The following SORCS3 variants were observed in gnomAD, a reference collection of about 807,000 sequenced individuals.
SORCS3 encodes the protein VPS10 domain-containing receptor SorCS3.
A neutral mutation model predicts 146.3 loss-of-function variants in SORCS3; 57 were observed. The observed-to-expected ratio is 0.39, with a 90% CI of 0.31 to 0.49. The LOEUF is 0.49. Among genes scored for constraint, SORCS3 ranks in the 20% least tolerant of loss-of-function variants. The pLI, the probability that SORCS3 is intolerant of heterozygous loss-of-function variation, is 0.92. For missense variants in SORCS3, 1,341 were observed against 1,575.5 expected, an observed-to-expected ratio of 0.85 and a Z score of 2.52; for synonymous variants, 653 against 618.5, an observed-to-expected ratio of 1.06 and a Z score of -0.83.
intron 4 of SORCS3, among the ~76,000 whole-genome samples, chr10:104,983,948 A>G (rs1017236930): frequency 1.3e-5 from 2 of 152,108 alleles, no homozygotes; most frequent in African/African-American, 4.8e-5. Flanking sequence ...CATACATCTC[A>G]TGAGTCTGAT....
At chr10:105,211,003 T>G (rs2056629765) in intron 16 of SORCS3, 134 bp from the exon 17 acceptor site, 1 of 593,996 alleles carries the variant, frequency 1.7e-6, no homozygotes. Context: ...ATATTTACCC[T>G]CACTGGGGAT....
intron 3 of SORCS3, among the ~76,000 whole-genome samples, chr10:104,930,586 G>T (rs548196806): frequency 3.3e-5 from 5 of 152,320 alleles, no homozygotes; most frequent in East Asian, 3.9e-4. Context: ...ATACACCGGG[G>T]TTGATGGGGG....
chr10:104,842,691 T>A, intron 1 of SORCS3, 101 bp from the exon 2 acceptor site: 2 of 858,964 alleles, frequency 2.3e-6, no homozygotes. Context: ...CTCCTCTGGG[T>A]GATAGGAGAT....
At chr10:104,799,095 G>T (rs2017593204) in intron 1 of SORCS3, among the ~76,000 whole-genome samples, 1 of 152,182 alleles carries the variant, frequency 6.6e-6, no homozygotes, top group Admixed American at 6.5e-5. Flanking sequence ...TTACACTGTT[G>T]GGAGTGTAAA....
rs140530489 is a variant in SORCS3, at chr10:104,808,949, C to G, written c.628-33843C>G. Among the ~76,000 whole-genome samples the G allele has an allele frequency of 2.5e-3, 382 of 152,186 alleles. 2 individuals are homozygous for G. The highest frequency in any genetic ancestry group is 2.7e-3 in the Non-Finnish European group (182 of 68,012). The stretch of plus-strand genomic sequence containing the variant: ...TAAATGGATTTGAGAAATATTTCGA[C>G]GGCAAAATCAACCCATTGATTGCGT... On this transcript the variant is annotated intron_variant, in intron 1 of 26. Coordinates refer to ENST00000369701, the MANE Select transcript of SORCS3 (RefSeq NM_014978.3).
chr10:104,694,830 G>A (rs2016154953), intron 1 of SORCS3, among the ~76,000 whole-genome samples: 1 of 152,168 alleles, frequency 6.6e-6, no homozygotes, highest in South Asian at 2.1e-4. Flanking sequence ...CTCACTTACA[G>A]GGTTTTGTGA....
chr10:104,818,194 G>A (rs2017826711), intron 1 of SORCS3, among the ~76,000 whole-genome samples: 1 of 152,064 alleles, frequency 6.6e-6, no homozygotes, highest in Non-Finnish European at 1.5e-5. Context: ...TTCATGTGCT[G>A]AGCTGGTGGC....
Position 104,763,013 on chromosome 10 carries a change from A to G in SORCS3, c.628-79779A>G, listed in dbSNP as rs2017139957. On this transcript the variant is annotated intron_variant, in intron 1 of 26. Coordinates refer to ENST00000369701, the MANE Select transcript of SORCS3 (RefSeq NM_014978.3). ...CGTAAGTATTTTTAAGCAGCTTTCCAGTTGAGTGTGATGTACAGCCAGAAG... is the reference window on the plus strand; with the variant it reads ...CGTAAGTATTTTTAAGCAGCTTTCCGGTTGAGTGTGATGTACAGCCAGAAG... Among the ~76,000 whole-genome samples, 3 of 152,132 alleles carry G rather than the reference A, an allele frequency of 2.0e-5. No individual in the cohort carries two copies. The South Asian group carries it at 6.2e-4, about 31-fold the overall frequency.
intron 1 of SORCS3, among the ~76,000 whole-genome samples, chr10:104,659,391 C>CAGTTCTCTG (rs2015672622): frequency 6.6e-6 from 1 of 152,208 alleles, no homozygotes; most frequent in Non-Finnish European, 1.5e-5. Context: ...CATCAATGTC[C>CAGTTCTCTG]ACTTCTCTGA....
intron 1 of SORCS3, among the ~76,000 whole-genome samples, chr10:104,746,866 A>C (rs1031304599): frequency 1.3e-5 from 2 of 152,222 alleles, no homozygotes; most frequent in Non-Finnish European, 2.9e-5. Flanking sequence ...CAGGGGTAGG[A>C]TATTCATATG....
At chr10:104,844,498 T>C (rs1589521156) in intron 2 of SORCS3, among the ~76,000 whole-genome samples, 1 of 152,012 alleles carries the variant, frequency 6.6e-6, no homozygotes, top group Non-Finnish European at 1.5e-5. Context: ...TTATGAAGGG[T>C]GTTTCTCACA....
chr10:105,085,468 A>G (rs2055654187), intron 5 of SORCS3, among the ~76,000 whole-genome samples: 1 of 152,216 alleles, frequency 6.6e-6, no homozygotes, highest in South Asian at 2.1e-4. Flanking sequence ...TCTTACCCCT[A>G]TCATTTCATC....
Position 105,019,699 on chromosome 10 carries a change from A to G in SORCS3, c.955-23356A>G, listed in dbSNP as rs141693600. Among the ~76,000 whole-genome samples, 375 of 152,166 alleles carry G rather than the reference A, an allele frequency of 2.5e-3. 1 individual carries two copies. Among genetic ancestry groups the G allele is most frequent in the Middle Eastern group, 6.8e-3 (2 of 294 alleles). On this transcript the variant is annotated intron_variant, in intron 4 of 26. Transcript: ENST00000369701. ...AAATATTTTGATAGGCAATTATTCT[A>G]CCCTGTTCCATGATGCACATTTTGT...
chr10:105,120,829 T>C (rs12267262), intron 7 of SORCS3, among the ~76,000 whole-genome samples: 73,661 of 152,024 alleles, frequency 0.48, 18,389 homozygotes, highest in Non-Finnish European at 0.54. Context: ...CACCCCTGAG[T>C]TATTGGTAGT....
At chr10:105,016,008 G>A (rs2055163322) in intron 4 of SORCS3, among the ~76,000 whole-genome samples, 1 of 151,422 alleles carries the variant, frequency 6.6e-6, no homozygotes, top group Admixed American at 6.6e-5. Flanking sequence ...GATTACAGGA[G>A]TGAGCCACTG....
At chr10:104,986,819 C>A (rs1361962365) in intron 4 of SORCS3, among the ~76,000 whole-genome samples, 1 of 152,000 alleles carries the variant, frequency 6.6e-6, no homozygotes, top group Non-Finnish European at 1.5e-5. Flanking sequence ...TTGTGGTGCA[C>A]CTATACAAAA....
rs117025060 is a variant in SORCS3, at chr10:104,773,016, C to T, written c.628-69776C>T. Among the ~76,000 whole-genome samples the T allele has an allele frequency of 7.1e-4, 108 of 152,164 alleles. 3 individuals carry two copies. In the East Asian group the frequency reaches 0.018, roughly 25 times the overall value. Reference sequence around the variant, plus strand: ...CAAATGTGAATGGGCTGGAAGAAGGCATGCTGGGTACTGTGGGGGTATCTC... The same window carrying T: ...CAAATGTGAATGGGCTGGAAGAAGGTATGCTGGGTACTGTGGGGGTATCTC... On this transcript the variant is annotated intron_variant, in intron 1 of 26. Coordinates refer to ENST00000369701, the MANE Select transcript of SORCS3 (RefSeq NM_014978.3).
chr10:105,256,434 T>C (rs953727202), intron 24 of SORCS3, among the ~76,000 whole-genome samples: 3 of 152,186 alleles, frequency 2.0e-5, no homozygotes, highest in Non-Finnish European at 4.4e-5. Flanking sequence ...AGGAAGAGAA[T>C]GAAACACTGC....
intron 7 of SORCS3, among the ~76,000 whole-genome samples, chr10:105,108,366 G>A (rs756151508): frequency 2.4e-4 from 36 of 152,138 alleles, no homozygotes; most frequent in Non-Finnish European, 3.2e-4. Flanking sequence ...AAAGTTTATA[G>A]TATATTGGTG....
Sources: gnomAD v4.1 joint callset for allele counts (sites outside exome capture counted in the v4.1 genomes callset) on GRCh38, gnomAD v4.1.1 for gene constraint, MANE v1.5 for transcripts, NCBI Gene and HGNC (gene_info 2026-07-23, HGNC 2026-07-21) for gene names.